NFIA: variants seen among roughly 807,000 people sequenced by gnomAD.
NFIA encodes the protein nuclear factor I A, also known as nuclear factor 1 A-type.
NFIA carries 8 observed loss-of-function variants against 62.8 expected under a neutral mutation model. That is an observed-to-expected ratio of 0.13 (90% CI 0.07 to 0.23). The LOEUF is 0.23. Ranked by LOEUF, NFIA falls within the 10% of genes least tolerant of loss-of-function variation. NFIA has a pLI of 1.00. For synonymous variants in NFIA, 235 were observed against 238.1 expected (o/e 0.99, Z 0.12); for missense variants, 410 against 642.1 (o/e 0.64, Z 3.91).
At chr1:61,181,617 A>T (rs574555749) in intron 2 of NFIA, among the ~76,000 whole-genome samples, 1 of 152,322 alleles carries the variant, frequency 6.6e-6, no homozygotes, top group South Asian at 2.1e-4. Flanking sequence ...ATCTACTTAC[A>T]TATAAAACAG....
chr1:61,167,102 C>T (rs1236233644), intron 2 of NFIA, among the ~76,000 whole-genome samples: 1 of 152,188 alleles, frequency 6.6e-6, no homozygotes. Flanking sequence ...GATCATGCCA[C>T]TGCACTCCAG....
At chr1:61,335,057 G>C (rs114706224) in intron 4 of NFIA, among the ~76,000 whole-genome samples, 1,896 of 152,266 alleles carry the variant, frequency 0.012, 35 homozygotes, top group African/African-American at 0.044. Flanking sequence ...TCCTGTCCCT[G>C]CTTAGGGGGT....
At chr1:61,331,594 A>G (rs935259191) in intron 3 of NFIA, among the ~76,000 whole-genome samples, 17 of 152,312 alleles carry the variant, frequency 1.1e-4, no homozygotes, top group African/African-American at 4.1e-4. Flanking sequence ...TTTTTGACCC[A>G]GATTTTAAAG....
At position 61,383,345 on chromosome 1, in the gene NFIA, C is replaced by G; in HGVS notation, c.1055C>G (p.Pro352Arg). The change falls in exon 7 of 11, where the codon CCT (proline) becomes CGT (arginine). Residue 352 changes from proline to arginine, a missense_variant. Physicochemically the swap from Pro to Arg is moderately radical, Grantham distance 103. This residue lies in a region of NFIA where 298 missense variants were observed against 438.1 expected (regional missense o/e 0.68). Coordinates refer to ENST00000403491, the MANE Select transcript of NFIA (RefSeq NM_001134673.4). Reference protein sequence around the residue: ...LGTAFTQHHRPVITGPRASPH... With the variant: ...LGTAFTQHHRRVITGPRASPH... ...ACGGCGTTCACACAGCATCACCGACCTGTCATTACAGGACCCAGAGGTGAG... is the reference window on the plus strand; with the variant it reads ...ACGGCGTTCACACAGCATCACCGACGTGTCATTACAGGACCCAGAGGTGAG... 6.2e-7 allele frequency: 1 copy of G among 1,613,962 alleles called. No homozygotes were observed. Among genetic ancestry groups the G allele is most frequent in the Non-Finnish European group, 8.5e-7 (1 of 1,179,890 alleles).
intron 2 of NFIA, among the ~76,000 whole-genome samples, chr1:61,104,517 G>C (rs944665215): frequency 6.6e-6 from 1 of 152,010 alleles, no homozygotes; most frequent in Non-Finnish European, 1.5e-5. Context: ...TTTAATTGGA[G>C]ACCTATTGAT....
intron 7 of NFIA, among the ~76,000 whole-genome samples, chr1:61,391,722 T>C (rs915371402): frequency 6.6e-5 from 10 of 152,246 alleles, no homozygotes; most frequent in Non-Finnish European, 1.3e-4. Context: ...ACTGTAATTG[T>C]GGCACCCCCT....
At chr1:61,154,205 G>A (rs1449206547) in intron 2 of NFIA, among the ~76,000 whole-genome samples, 2 of 152,144 alleles carry the variant, frequency 1.3e-5, no homozygotes, top group East Asian at 1.9e-4. Context: ...GCTTGAGTGC[G>A]TGGTGCGATC....
chr1:61,373,200 G>A (rs533952866), intron 6 of NFIA, among the ~76,000 whole-genome samples: 1 of 152,222 alleles, frequency 6.6e-6, no homozygotes, highest in African/African-American at 2.4e-5. Flanking sequence ...TAAGTAACAG[G>A]TGGAGGTCAA....
intron 2 of NFIA, among the ~76,000 whole-genome samples, chr1:61,098,438 A>G (rs1470198552): frequency 6.6e-6 from 1 of 152,208 alleles, no homozygotes; most frequent in African/African-American, 2.4e-5. Context: ...CTAAGTTACT[A>G]AAGTTTCTGA....
At chr1:61,238,830 T>C (rs1320521133) in intron 2 of NFIA, among the ~76,000 whole-genome samples, 1 of 152,172 alleles carries the variant, frequency 6.6e-6, no homozygotes, top group Non-Finnish European at 1.5e-5. Flanking sequence ...CATTATAATG[T>C]GTCAGGGAAA....
chr1:61,383,659 GTT>G (rs1664536180), intron 7 of NFIA, among the ~76,000 whole-genome samples: 2 of 152,264 alleles, frequency 1.3e-5, no homozygotes, highest in Admixed American at 6.5e-5. Flanking sequence ...TGTTCTACAA[GTT>G]GTGTGTGTGT....
At chr1:61,430,137 T>C (rs1431907396) in intron 10 of NFIA, among the ~76,000 whole-genome samples, 2 of 152,162 alleles carry the variant, frequency 1.3e-5, no homozygotes. Context: ...TCTAAAGTCC[T>C]TTTCACCTCT....
intron 2 of NFIA, among the ~76,000 whole-genome samples, chr1:61,216,738 G>A (rs1045619807): frequency 3.9e-5 from 6 of 152,100 alleles, no homozygotes; most frequent in Admixed American, 2.0e-4. Flanking sequence ...AGTGGCTTAC[G>A]CCTGTAATCC....
At chr1:61,284,871 C>T (rs1326256061) in intron 3 of NFIA, among the ~76,000 whole-genome samples, 2 of 151,992 alleles carry the variant, frequency 1.3e-5, no homozygotes, top group Admixed American at 6.6e-5. Context: ...TCCTCAAATT[C>T]GTTTGTGCCT....
chr1:61,371,427 G>A (rs1457039251), intron 6 of NFIA, among the ~76,000 whole-genome samples: 1 of 151,754 alleles, frequency 6.6e-6, no homozygotes, highest in African/African-American at 2.4e-5. Context: ...TGATGAGTTT[G>A]TCTATCAGCA....
chr1:61,451,236 T>C (rs1252992052), intron 10 of NFIA, among the ~76,000 whole-genome samples: 1 of 152,196 alleles, frequency 6.6e-6, no homozygotes, highest in Non-Finnish European at 1.5e-5. Context: ...CGAACTTTCA[T>C]GGAGCTGTAA....
chr1:61,272,469 A>C (rs1657571140), intron 2 of NFIA, among the ~76,000 whole-genome samples: 1 of 152,232 alleles, frequency 6.6e-6, no homozygotes, highest in Non-Finnish European at 1.5e-5. Flanking sequence ...TAATGTAATA[A>C]ACTTATGGTA....
chr1:61,102,895 G>A (rs959480591), intron 2 of NFIA, among the ~76,000 whole-genome samples: 4 of 152,260 alleles, frequency 2.6e-5, no homozygotes, highest in Admixed American at 1.3e-4. Context: ...GATTCCTTGA[G>A]CTTTTGGAAG....
chr1:61,082,424 GAGCGGA>G (rs966796501), upstream of NFIA: 23 of 1,005,738 alleles, frequency 2.3e-5, no homozygotes, highest in Non-Finnish European at 2.6e-5. Flanking sequence ...GTGCGGTGCA[GAGCGGA>G]GGCGGAGGCG....
Sources: gnomAD v4.1 joint callset for allele counts (sites outside exome capture counted in the v4.1 genomes callset) on GRCh38, gnomAD v4.1.1 for gene constraint, gnomAD v4.1.1 regional missense constraint, MANE v1.5 for transcripts, NCBI Gene and HGNC (gene_info 2026-07-23, HGNC 2026-07-21) for gene names.